ZNF821: variants seen among roughly 807,000 people sequenced by gnomAD.
ZNF821 encodes zinc finger protein 821.
ZNF821 carries 16 observed loss-of-function variants against 44.3 expected under a neutral mutation model. The observed-to-expected ratio is 0.36, with a 90% CI of 0.24 to 0.55. ZNF821 has a LOEUF of 0.55. Ranked by LOEUF, ZNF821 falls within the 20% of genes least tolerant of loss-of-function variation. The probability of loss-of-function intolerance (pLI) is 0.86; values close to 1 mark genes in which losing one functional copy is unlikely to be tolerated. For missense variants in ZNF821, 436 were observed against 547.6 expected (o/e 0.80, Z 2.03); for synonymous variants, 204 against 197.6 (o/e 1.03, Z -0.27).
intron 6 of ZNF821, 61 bp downstream of exon 6, chr16:71,864,077 C>G: frequency 6.8e-7 from 1 of 1,460,262 alleles, no homozygotes; most frequent in Non-Finnish European, 9.6e-7. Context: ...AAACCAGGAT[C>G]TGGGCTACAG....
intron 3 of ZNF821, 27 bp from the exon 4 acceptor site, chr16:71,868,064 G>A (rs1465848871): frequency 6.5e-7 from 1 of 1,528,606 alleles, no homozygotes. Flanking sequence ...AAAATAGTCA[G>A]GCCACCAGCT....
intron 3 of ZNF821, among the ~76,000 whole-genome samples, chr16:71,873,398 C>T (rs1206336636): frequency 1.3e-5 from 2 of 151,912 alleles, no homozygotes; most frequent in African/African-American, 2.4e-5. Flanking sequence ...GATTTCAGCC[C>T]GTCAGCAGTT....
rs1009063601 is a variant in ZNF821, at chr16:71,883,201, G to A, written c.-78+10C>T. ...AATCTCAGCTTGATGAAAAGAGAGT[G>A]CGTTCCCACCTCCAGCTCTGGTGCA... On this transcript the variant is annotated intron_variant, in intron 2 of 7. Transcript: ENST00000425432. 2.2e-6 allele frequency: 1 copy of A among 456,398 alleles called. No individual in the cohort carries two copies. Among genetic ancestry groups the A allele is most frequent in the African/African-American group, 2.0e-5 (1 of 50,072 alleles). The allele number at this position is 456,398 out of a possible 1,614,324, so 28.3% of individuals were successfully genotyped here. A position where few individuals can be genotyped will look rare whatever the true frequency, so the allele number is the denominator to read the frequency against.
At chr16:71,874,618 T>A (rs1045753801) in intron 3 of ZNF821, among the ~76,000 whole-genome samples, 1 of 151,930 alleles carries the variant, frequency 6.6e-6, no homozygotes, top group Non-Finnish European at 1.5e-5. Context: ...CATGCCCAGC[T>A]ATTTTTTTGG....
At chr16:71,883,416 G>A (rs916945444) in intron 1 of ZNF821, 143 bp from the exon 2 acceptor site, 3 of 346,668 alleles carry the variant, frequency 8.7e-6, no homozygotes, top group South Asian at 2.2e-5. Flanking sequence ...AAATTCCCAG[G>A]AATTACCAGA....
At chr16:71,883,123 G>A (rs1400578977) in intron 2 of ZNF821, 88 bp downstream of exon 2, 2 of 456,336 alleles carry the variant, frequency 4.4e-6, no homozygotes, top group Non-Finnish European at 8.8e-6. Context: ...ACAGGTATTA[G>A]GTTGCAGCGT....
At chr16:71,864,117 A>G in intron 6 of ZNF821, 21 bp downstream of exon 6, 1 of 1,607,332 alleles carries the variant, frequency 6.2e-7, no homozygotes, top group Non-Finnish European at 8.5e-7. Context: ...GTTCCAGAGC[A>G]CACAGCTCCC....
intron 1 of ZNF821, among the ~76,000 whole-genome samples, chr16:71,892,760 CT>C (rs2142504068): frequency 6.9e-6 from 1 of 144,372 alleles, no homozygotes; most frequent in African/African-American, 2.7e-5. Flanking sequence ...GAGACAGAGT[CT>C]TGCTCTGTCA....
At position 71,860,890 on chromosome 16, in the gene ZNF821, C is replaced by T. The variant is rs1470094391; in HGVS notation, c.585-218G>A. Among the ~76,000 whole-genome samples, 1 of 144,904 alleles carries T rather than the reference C, an allele frequency of 6.9e-6. No homozygotes were observed. Among genetic ancestry groups the T allele is most frequent in the Non-Finnish European group, 1.5e-5 (1 of 66,886 alleles). On this transcript the variant is annotated intron_variant, in intron 7 of 7. Transcript: ENST00000425432. The surrounding 1 kb of genome is among the most constrained non-coding windows in gnomAD (Gnocchi z 7.3). ...TTTTTTTTTGAGACAGAGTCTTGCT[C>T]TGTCGCCCAGGCTGGAGTACAATGG...
At chr16:71,878,319 T>C (rs897110245) in intron 3 of ZNF821, among the ~76,000 whole-genome samples, 8 of 151,956 alleles carry the variant, frequency 5.3e-5, no homozygotes, top group South Asian at 2.1e-4. Context: ...TTTTGCCACG[T>C]TGGCCAGACT....
intron 4 of ZNF821, among the ~76,000 whole-genome samples, chr16:71,865,669 T>C (rs1313764146): frequency 1.3e-5 from 2 of 152,222 alleles, no homozygotes; most frequent in Admixed American, 1.3e-4. Flanking sequence ...CTCAGGCACT[T>C]TGCAGTGGTA....
Position 71,860,587 on chromosome 16 carries a change from C to G in ZNF821, c.670G>C (p.Ala224Pro), listed in dbSNP as rs369001362. ...GPSSAEGKDI[A>P]FSPPVYPAGI... is the part of the protein sequence containing the mutation. The stretch of plus-strand genomic sequence containing the variant: ...GCAGGGTACACTGGAGGACTAAAGG[C>G]AATATCCTTCCCCTCAGCACTGGAG... Residue 224 changes from alanine (A) to proline (P), a missense_variant, in exon 8 of 8, where the codon GCC (alanine) becomes CCC (proline). Coordinates refer to ENST00000425432, the MANE Select transcript of ZNF821 (RefSeq NM_001201552.2). The surrounding 1 kb of genome is among the most constrained non-coding windows in gnomAD (Gnocchi z 7.3). The G allele has an allele frequency of 1.6e-5, 26 of 1,614,048 alleles. No individual in the cohort carries two copies. The African/African-American group carries it at 3.3e-4, about 21-fold the overall frequency.
chr16:71,879,967 C>G lies in ZNF821; in HGVS notation c.-21G>C. The G allele has an allele frequency of 6.2e-7, 1 of 1,611,748 alleles. No homozygotes were observed. Among genetic ancestry groups the G allele is most frequent in the Non-Finnish European group, 8.5e-7 (1 of 1,179,032 alleles). ...GACATGTTTCCCTGATGCAAGAGCT[C>G]TGGTCTTTCCCAGTTTCACGACTGG... On this transcript the variant is annotated 5_prime_UTR_variant, in exon 3 of 8. Transcript: ENST00000425432.
At chr16:71,894,794 C>G in intron 1 of ZNF821, 1 of 1,513,370 alleles carries the variant, frequency 6.6e-7, no homozygotes. Flanking sequence ...CCCCGCCTCT[C>G]AAAGTGCTGG....
chr16:71,864,018 A>G, intron 6 of ZNF821, 120 bp downstream of exon 6: 1 of 858,522 alleles, frequency 1.2e-6, no homozygotes. Flanking sequence ...GAATCTTAAT[A>G]GAAGTGACAA....
At chr16:71,880,291 T>C (rs117706747) in intron 2 of ZNF821, 2,440 of 195,984 alleles carry the variant, frequency 0.012, 21 homozygotes, top group Non-Finnish European at 0.02. Context: ...TAAGTGATCA[T>C]GATCAAGGTC....
upstream of ZNF821, among the ~76,000 whole-genome samples, chr16:71,887,051 G>C (rs948809750): frequency 6.6e-6 from 1 of 152,214 alleles, no homozygotes. Context: ...ATATTCTGTT[G>C]TATGGATATG....
chr16:71,860,110 A>T lies in ZNF821; in HGVS notation c.1147T>A (p.Phe383Ile). The T allele has an allele frequency of 1.2e-6, 2 of 1,614,234 alleles. No individual in the cohort carries two copies. The highest frequency in any genetic ancestry group is 1.7e-6 in the Non-Finnish European group (2 of 1,180,030). Residue 383 changes from phenylalanine to isoleucine, a missense_variant, in exon 8 of 8, where the codon TTC becomes ATC. Transcript: ENST00000425432. The surrounding 1 kb of genome is among the most constrained non-coding windows in gnomAD (Gnocchi z 7.3). ...AMAALAAEMN[F>I]FQLPVSGVEL... ...ACCCCACTTACAGGCAGCTGGAAGA[A>T]GTTCATTTCAGCTGCTAAGGCTGCC...
chr16:71,888,508 G>A (rs556522851), upstream of ZNF821, among the ~76,000 whole-genome samples: 2 of 152,186 alleles, frequency 1.3e-5, no homozygotes, highest in East Asian at 1.9e-4. Flanking sequence ...AGTTTTCTTA[G>A]CACCATTTGT....
Sources: gnomAD v4.1 joint callset for allele counts (sites outside exome capture counted in the v4.1 genomes callset) on GRCh38, gnomAD v4.1.1 for gene constraint, Gnocchi (gnomAD v3.1) non-coding constraint, MANE v1.5 for transcripts, NCBI Gene and HGNC (gene_info 2026-07-23, HGNC 2026-07-21) for gene names.